Variants in ACTL7B observed in about 807,000 individuals in gnomAD.
ACTL7B encodes actin like 7B, also known as actin-like protein 7B.
ACTL7B carries 14 observed loss-of-function variants against 17.5 expected under a neutral mutation model. The ratio of observed to expected loss-of-function variants is 0.80; its 90% CI spans 0.53 to 1.25. ACTL7B has a LOEUF of 1.25. Among genes scored for constraint, ACTL7B ranks in the 50% most tolerant of loss-of-function variants. ACTL7B has a pLI of 0.00. For missense variants in ACTL7B, 599 were observed against 573.9 expected (o/e 1.04, Z -0.45); for synonymous variants, 267 against 252.4 (o/e 1.06, Z -0.55).
rs1225780161 is a variant in ACTL7B, at chr9:108,855,955, C to T, written c.-25G>A. On this transcript the variant is annotated 5_prime_UTR_variant, in exon 1 of 1. In the 5' UTR this introduces an upstream ATG that the reference lacks. Transcript: ENST00000374667. ...TCTGCCTCCCTTGCTCCCCTTCTCA[C>T]ATCCACAGCCTAGAGCCCCCTGGGG... is the stretch of plus-strand genomic sequence containing the variant. 1.5e-5 allele frequency: 23 copies of T among 1,549,090 alleles called. No homozygotes were observed. The East Asian group carries it at 4.9e-4, about 33-fold the overall frequency.
Position 108,854,728 on chromosome 9 carries a change from T to C in ACTL7B, c.1203A>G (p.Glu401=). ...CCACGCTGCCCCGCTCCTCAAACTC[T>C]TCCTTGCTGACCCAGAGCTGTTGGA... ...QAFQQLWVSK[E]EFEERGSVAI... is the part of the protein sequence containing the mutation. The change falls in exon 1 of 1, where the codon GAA becomes GAG. Residue 401 remains glutamate (E), a synonymous_variant. Transcript: ENST00000374667. 1.3e-6 allele frequency: 2 copies of C among 1,535,750 alleles called. No homozygotes were observed. The highest frequency in any genetic ancestry group is 1.8e-6 in the Non-Finnish European group (2 of 1,141,756).
Position 108,855,178 on chromosome 9 carries a change from G to T in ACTL7B, c.753C>A (p.Ile251=), listed in dbSNP as rs1477783788. 1 of 1,607,420 alleles carries T rather than the reference G, an allele frequency of 6.2e-7. No homozygotes were observed. The highest frequency in any genetic ancestry group is 1.7e-5 in the Admixed American group (1 of 59,950). The change falls in exon 1 of 1, where the codon ATC becomes ATA. Residue 251 remains isoleucine, a synonymous_variant. Coordinates refer to ENST00000374667, the MANE Select transcript of ACTL7B (RefSeq NM_006686.4). The part of the protein sequence containing the change: ...GHAFTDDHLH[I]IEHIKKKCCY... The stretch of plus-strand genomic sequence containing the variant: ...AGCACTTCTTCTTGATGTGCTCTAT[G>T]ATGTGCAGGTGGTCGTCCGTGAATG...
rs116020916 is a variant in ACTL7B, at chr9:108,855,133, G to T, written c.798C>A (p.Pro266=). 6.2e-7 allele frequency: 1 copy of T among 1,610,464 alleles called. No individual in the cohort carries two copies. Among genetic ancestry groups the T allele is most frequent in the South Asian group, 1.1e-5 (1 of 90,536 alleles). Reference sequence around the variant, plus strand: ...CCGGGACCAGGCCCAGCTCCTCCTCGGGCAGGAAGGCCGCATAGCAGCACT... The same window carrying T: ...CCGGGACCAGGCCCAGCTCCTCCTCTGGCAGGAAGGCCGCATAGCAGCACT... ...KKKCCYAAFL[P]EEELGLVPEE... The change falls in exon 1 of 1, where the codon CCC becomes CCA. Residue 266 remains proline (P), a synonymous_variant. Coordinates refer to ENST00000374667, the MANE Select transcript of ACTL7B (RefSeq NM_006686.4).
Position 108,855,080 on chromosome 9 carries a change from G to A in ACTL7B, c.851C>T (p.Pro284Leu), listed in dbSNP as rs1447439158. 3.2e-6 allele frequency: 5 copies of A among 1,577,914 alleles called. No individual in the cohort carries two copies. The highest frequency in any genetic ancestry group is 4.3e-6 in the Non-Finnish European group (5 of 1,163,338). ...GCCAATAGTGATGAGTTTGCCGTCC[G>A]GGAGCTCGTAGTCCACGCGCAGCTC... ...PEELRVDYEL[P>L]DGKLITIGQE... is the part of the protein sequence containing the mutation. The change falls in exon 1 of 1, where the codon CCG becomes CTG. Residue 284 changes from proline (P) to leucine (L), a missense_variant. Physicochemically the swap from Pro to Leu is moderately conservative, Grantham distance 98 (BLOSUM62 -3). Coordinates refer to ENST00000374667, the MANE Select transcript of ACTL7B (RefSeq NM_006686.4).
Position 108,854,657 on chromosome 9 carries a change from G to C in ACTL7B, c.*26C>G. ...GAGGCCTGTGGCCATCTGTGCTGGA[G>C]GCCTTGTCTGTGGAAATGCCGAGGC... On this transcript the variant is annotated 3_prime_UTR_variant, in exon 1 of 1. Coordinates refer to ENST00000374667, the MANE Select transcript of ACTL7B (RefSeq NM_006686.4). The C allele has an allele frequency of 6.7e-7, 1 of 1,485,786 alleles. No individual in the cohort carries two copies. The highest frequency in any genetic ancestry group is 9.0e-7 in the Non-Finnish European group (1 of 1,116,168). The allele number at this position is 1,485,786 out of a possible 1,614,324, so 92.0% of individuals were successfully genotyped here. A position where few individuals can be genotyped will look rare whatever the true frequency, so the allele number is the denominator to read the frequency against.
Position 108,855,238 on chromosome 9 carries a change from GT to G in ACTL7B, c.692del (p.Asn231ThrfsTer3), listed in dbSNP as rs1827076358. Reference sequence around the variant, plus strand: ...CCTCATTGAGCAGCTGCATCAGGTAGTTGGTGAGGTCACCCCCAGCGTAGTC... The same window carrying G: ...CCTCATTGAGCAGCTGCATCAGGTAGTGGTGAGGTCACCCCCAGCGTAGTC... ...RADYAGGDLT[N>X]YLMQLLNEAG... On this transcript the variant is annotated frameshift_variant, in exon 1 of 1. Coordinates refer to ENST00000374667, the MANE Select transcript of ACTL7B (RefSeq NM_006686.4). LOFTEE classifies it high-confidence loss of function. 1 of 1,595,056 alleles carries G rather than the reference GT, an allele frequency of 6.3e-7. No individual in the cohort carries two copies. Among genetic ancestry groups the G allele is most frequent in the South Asian group, 1.1e-5 (1 of 90,498 alleles).
In ACTL7B at chr9:108,855,445, C is replaced by G. The variant is rs778408926; in HGVS notation, c.486G>C (p.Lys162Asn). Residue 162 changes from lysine (K) to asparagine (N), a missense_variant, in exon 1 of 1, where the codon AAG (lysine) becomes AAC (asparagine). Transcript: ENST00000374667. Reference sequence around the variant, plus strand: ...AGGTCTCAAACATGAGCTCCGCGTACTTCTCCCGGTTGCTGCTGGGGCTGA... The same window carrying G: ...AGGTCTCAAACATGAGCTCCGCGTAGTTCTCCCGGTTGCTGCTGGGGCTGA... ...PPLSPSSNRE[K>N]YAELMFETFG... The G allele has an allele frequency of 1.5e-5, 24 of 1,613,190 alleles. No individual in the cohort carries two copies. The highest frequency in any genetic ancestry group is 5.0e-5 in the Admixed American group (3 of 60,010).
chr9:108,855,238 G>A lies in ACTL7B; in HGVS notation c.693C>T (p.Asn231=), dbSNP rs2118885951. 6.3e-7 allele frequency: 1 copy of A among 1,595,174 alleles called. No individual in the cohort carries two copies. Among genetic ancestry groups the A allele is most frequent in the South Asian group, 1.1e-5 (1 of 90,494 alleles). The part of the protein sequence containing the change: ...RADYAGGDLT[N]YLMQLLNEAG... ...CCTCATTGAGCAGCTGCATCAGGTA[G>A]TTGGTGAGGTCACCCCCAGCGTAGT... is the stretch of plus-strand genomic sequence containing the variant. Residue 231 remains asparagine (N), a synonymous_variant, in exon 1 of 1, where the codon AAC becomes AAT. Coordinates refer to ENST00000374667, the MANE Select transcript of ACTL7B (RefSeq NM_006686.4).
rs1827083945 is a variant in ACTL7B, at chr9:108,855,436, C to T, written c.495G>A (p.Glu165=). Residue 165 remains glutamate (E), a synonymous_variant, in exon 1 of 1, where the codon GAG becomes GAA. Transcript: ENST00000374667. The part of the protein sequence containing the change: ...SPSSNREKYA[E]LMFETFGIPA... The stretch of plus-strand genomic sequence containing the variant: ...GGATGCCGAAGGTCTCAAACATGAG[C>T]TCCGCGTACTTCTCCCGGTTGCTGC... 6.2e-7 allele frequency: 1 copy of T among 1,613,138 alleles called. No individual in the cohort carries two copies. The highest frequency in any genetic ancestry group is 1.3e-5 in the African/African-American group (1 of 74,960).
chr9:108,855,669 C>T lies in ACTL7B; in HGVS notation c.262G>A (p.Asp88Asn), dbSNP rs759452394. The T allele has an allele frequency of 3.7e-6, 6 of 1,612,450 alleles. No homozygotes were observed. Among genetic ancestry groups the T allele is most frequent in the Non-Finnish European group, 4.2e-6 (5 of 1,180,034 alleles). Residue 88 changes from aspartate (D) to asparagine (N), a missense_variant, in exon 1 of 1, where the codon GAC becomes AAC. Physicochemically the swap from Asp to Asn is conservative, Grantham distance 23. Coordinates refer to ENST00000374667, the MANE Select transcript of ACTL7B (RefSeq NM_006686.4). Reference protein sequence around the residue: ...TVGKRCPEAADAGDTRKWTLV... With the variant: ...TVGKRCPEAANAGDTRKWTLV... ...GTCCACTTGCGGGTGTCGCCAGCGT[C>T]GGCCGCCTCGGGGCAGCGTTTGCCC... is the stretch of plus-strand genomic sequence containing the variant.
rs140561800 is a variant in ACTL7B at position 108,855,687 on chromosome 9, G to A, written c.244C>T (p.Arg82Cys). 6.2e-7 allele frequency: 1 copy of A among 1,611,628 alleles called. No individual in the cohort carries two copies. The highest frequency in any genetic ancestry group is 8.5e-7 in the Non-Finnish European group (1 of 1,180,016). Residue 82 changes from arginine to cysteine, a missense_variant, in exon 1 of 1, where the codon CGC becomes TGC. Arg to Cys is a radical substitution (Grantham distance 180). Coordinates refer to ENST00000374667, the MANE Select transcript of ACTL7B (RefSeq NM_006686.4). Reference sequence around the variant, plus strand: ...CCAGCGTCGGCCGCCTCGGGGCAGCGTTTGCCCACGGTGGAGGAGATGAAG... The same window carrying A: ...CCAGCGTCGGCCGCCTCGGGGCAGCATTTGCCCACGGTGGAGGAGATGAAG... Reference protein sequence around the residue: ...TYFISSTVGKRCPEAADAGDT... With the variant: ...TYFISSTVGKCCPEAADAGDT...
chr9:108,854,830 GC>G lies in ACTL7B; in HGVS notation c.1100del (p.Ser367ThrfsTer?). ...RELSLLCPGD[S>X]PAVAAAPERK... ...TCTCAGGAGCGGCAGCCACTGCAGG[GC>G]TGTCCCCGGGGCAGAGGAGGCTCAG... On this transcript the variant is annotated frameshift_variant, in exon 1 of 1. Transcript: ENST00000374667. LOFTEE classifies it high-confidence loss of function. 1 of 1,598,634 alleles carries G rather than the reference GC, an allele frequency of 6.3e-7. No homozygotes were observed. The highest frequency in any genetic ancestry group is 2.2e-5 in the East Asian group (1 of 44,628).
rs774588954 is a variant in ACTL7B at position 108,855,395 on chromosome 9, G to T, written c.536C>A (p.Thr179Lys). Residue 179 changes from threonine to lysine, a missense_variant, in exon 1 of 1, where the codon ACG (threonine) becomes AAG (lysine). By Grantham distance (78) the Thr-to-Lys change is moderately conservative. Transcript: ENST00000374667. The part of the protein sequence containing the change: ...ETFGIPAMHV[T>K]SQSLLSIYSY... Reference sequence around the variant, plus strand: ...GTAGATGGACAGCAACGACTGGGACGTCACGTGCATGGCTGGGATGCCGAA... The same window carrying T: ...GTAGATGGACAGCAACGACTGGGACTTCACGTGCATGGCTGGGATGCCGAA... 54 of 1,613,270 alleles carry T rather than the reference G, an allele frequency of 3.3e-5. No homozygotes were observed. The highest frequency in any genetic ancestry group is 4.3e-5 in the Non-Finnish European group (51 of 1,179,996).
rs752152271 is a variant in ACTL7B, at chr9:108,855,348, G to A, written c.583C>T (p.Leu195=). The A allele has an allele frequency of 6.2e-6, 10 of 1,610,074 alleles. No homozygotes were observed. In the East Asian group the frequency reaches 1.8e-4, roughly 29 times the overall value. The part of the protein sequence containing the change: ...SIYSYGKTSG[L]VVESGHGVSH... Reference sequence around the variant, plus strand: ...ACGCCGTGCCCGCTCTCCACCACCAGCCCCGAGGTCTTGCCGTAGGAGTAG... The same window carrying A: ...ACGCCGTGCCCGCTCTCCACCACCAACCCCGAGGTCTTGCCGTAGGAGTAG... The change falls in exon 1 of 1, where the codon CTG becomes TTG. Residue 195 remains leucine, a synonymous_variant. Coordinates refer to ENST00000374667, the MANE Select transcript of ACTL7B (RefSeq NM_006686.4).
rs1306606675 is a variant in ACTL7B at position 108,855,099 on chromosome 9, G to A, written c.832C>T (p.Arg278Cys). The A allele has an allele frequency of 1.9e-6, 3 of 1,597,712 alleles. No homozygotes were observed. The highest frequency in any genetic ancestry group is 2.6e-6 in the Non-Finnish European group (3 of 1,172,802). The change falls in exon 1 of 1, where the codon CGC becomes TGC. Residue 278 changes from arginine to cysteine, a missense_variant. By Grantham distance (180) the Arg-to-Cys change is radical (BLOSUM62 -3). Transcript: ENST00000374667. ...EELGLVPEELRVDYELPDGKL... is the reference protein window; with the variant it reads ...EELGLVPEELCVDYELPDGKL... Reference sequence around the variant, plus strand: ...CCGTCCGGGAGCTCGTAGTCCACGCGCAGCTCCTCCGGGACCAGGCCCAGC... The same window carrying A: ...CCGTCCGGGAGCTCGTAGTCCACGCACAGCTCCTCCGGGACCAGGCCCAGC...
At position 108,855,009 on chromosome 9, in the gene ACTL7B, C is replaced by A; in HGVS notation, c.922G>T (p.Ala308Ser). 2 of 1,517,694 alleles carry A rather than the reference C, an allele frequency of 1.3e-6. No individual in the cohort carries two copies. The highest frequency in any genetic ancestry group is 1.8e-6 in the Non-Finnish European group (2 of 1,131,788). The allele number at this position is 1,517,694 out of a possible 1,614,324, so 94.0% of individuals were successfully genotyped here. A position where few individuals can be genotyped will look rare whatever the true frequency, so the allele number is the denominator to read the frequency against. Reference protein sequence around the residue: ...CSEMLFQPSLAGSTQPGLPEL... With the variant: ...CSEMLFQPSLSGSTQPGLPEL... ...GGGAGGCCCGGCTGGGTGCTGCCTG[C>A]CAGGGAGGGCTGGAAGAGCATCTCA... Residue 308 changes from alanine to serine, a missense_variant, in exon 1 of 1, where the codon GCA becomes TCA. Transcript: ENST00000374667.
Position 108,855,196 on chromosome 9 carries a change from C to T in ACTL7B, c.735G>A (p.Thr245=), listed in dbSNP as rs1411990367. The T allele has an allele frequency of 6.9e-6, 11 of 1,600,714 alleles. No homozygotes were observed. The highest frequency in any genetic ancestry group is 1.7e-4 in the Middle Eastern group (1 of 6,042). ...GCTCTATGATGTGCAGGTGGTCGTC[C>T]GTGAATGCGTGGCCCGCCTCATTGA... ...QLLNEAGHAF[T]DDHLHIIEHI... is the part of the protein sequence containing the mutation. The change falls in exon 1 of 1, where the codon ACG becomes ACA. Residue 245 remains threonine (T), a synonymous_variant. Transcript: ENST00000374667.
rs747862817 is a variant in ACTL7B at position 108,855,219 on chromosome 9, T to C, written c.712A>G (p.Asn238Asp). The part of the protein sequence containing the change: ...DLTNYLMQLL[N>D]EAGHAFTDDH... ...TCCGTGAATGCGTGGCCCGCCTCAT[T>C]GAGCAGCTGCATCAGGTAGTTGGTG... Residue 238 changes from asparagine (N) to aspartate (D), a missense_variant, in exon 1 of 1, where the codon AAT becomes GAT. Asn to Asp is a conservative substitution (Grantham distance 23, BLOSUM62 1). Coordinates refer to ENST00000374667, the MANE Select transcript of ACTL7B (RefSeq NM_006686.4). 1 of 1,596,720 alleles carries C rather than the reference T, an allele frequency of 6.3e-7. No homozygotes were observed. Among genetic ancestry groups the C allele is most frequent in the Non-Finnish European group, 8.5e-7 (1 of 1,175,788 alleles).
In ACTL7B at chr9:108,855,075, C is replaced by T. The variant is rs140336222; in HGVS notation, c.856G>A (p.Gly286Ser). ...ELRVDYELPD[G>S]KLITIGQERF... The stretch of plus-strand genomic sequence containing the variant: ...TCCTGGCCAATAGTGATGAGTTTGC[C>T]GTCCGGGAGCTCGTAGTCCACGCGC... The change falls in exon 1 of 1, where the codon GGC (glycine) becomes AGC (serine). Residue 286 changes from glycine (G) to serine (S), a missense_variant. By Grantham distance (56) the Gly-to-Ser change is moderately conservative (BLOSUM62 0). Transcript: ENST00000374667. The T allele has an allele frequency of 3.3e-5, 51 of 1,566,374 alleles. No individual in the cohort carries two copies. Among genetic ancestry groups the T allele is most frequent in the Non-Finnish European group, 4.1e-5 (47 of 1,156,714 alleles).
Sources: allele counts gnomAD v4.1 joint callset, GRCh38; gene constraint gnomAD v4.1.1; transcripts MANE v1.5; gene names NCBI Gene and HGNC (gene_info 2026-07-23, HGNC 2026-07-21).